CCNB1IP1: variants seen among roughly 807,000 people sequenced by gnomAD.
CCNB1IP1 encodes the protein E3 ubiquitin-protein ligase CCNB1IP1.
In CCNB1IP1, 14 loss-of-function variants were observed where a neutral mutation model predicts 25.6. The ratio of observed to expected loss-of-function variants is 0.55; its 90% confidence interval spans 0.36 to 0.85. CCNB1IP1 has a LOEUF of 0.85. Among genes scored for constraint, CCNB1IP1 ranks in the 40% least tolerant of loss-of-function variants. The pLI is 0.01. For missense variants in CCNB1IP1, 278 were observed against 342.4 expected, an observed-to-expected ratio of 0.81 and a Z score of 1.48; for synonymous variants, 119 against 116.1, an observed-to-expected ratio of 1.02 and a Z score of -0.16.
chr14:20,312,149 GACATAAAAAGGTTA>G (rs1445431915), intron 6 of CCNB1IP1, among the ~76,000 whole-genome samples: 1 of 152,054 alleles, frequency 6.6e-6, no homozygotes, highest in Non-Finnish European at 1.5e-5. Context: ...GTGGCAGCAG[GACATAAAAAGGTTA>G]ACTGTGTACA....
At chr14:20,319,081 C>T (rs1189420219) in intron 4 of CCNB1IP1, 1 of 152,208 alleles carries the variant, frequency 6.6e-6, no homozygotes, top group Non-Finnish European at 1.5e-5. Flanking sequence ...TCTTTTGTAG[C>T]CATCTTTCCA....
intron 1 of CCNB1IP1, among the ~76,000 whole-genome samples, chr14:20,332,119 C>G (rs1883272006): frequency 6.8e-6 from 1 of 146,940 alleles, no homozygotes; most frequent in African/African-American, 2.5e-5. Flanking sequence ...ACCGCAACCT[C>G]CACCTCCCGG....
intron 5 of CCNB1IP1, among the ~76,000 whole-genome samples, chr14:20,315,297 A>C (rs1244779004): frequency 1.3e-5 from 2 of 152,192 alleles, no homozygotes; most frequent in Non-Finnish European, 2.9e-5. Context: ...TCTGGCAAAG[A>C]TGTGGAGCAA....
chr14:20,314,006 T>C (rs10131909), intron 5 of CCNB1IP1, among the ~76,000 whole-genome samples: 19,324 of 152,232 alleles, frequency 0.13, 1,317 homozygotes, highest in East Asian at 0.17. Context: ...AAAAAAAGTC[T>C]GGAAGAATAC....
At chr14:20,325,248 C>T (rs1280714060) in intron 4 of CCNB1IP1, among the ~76,000 whole-genome samples, 3 of 150,862 alleles carry the variant, frequency 2.0e-5, no homozygotes, top group African/African-American at 7.2e-5. Flanking sequence ...GGTGAAACCC[C>T]GTCTCTACTA....
chr14:20,319,575 G>A (rs1882827265), intron 4 of CCNB1IP1, among the ~76,000 whole-genome samples: 1 of 152,234 alleles, frequency 6.6e-6, no homozygotes, highest in African/African-American at 2.4e-5. Context: ...ACTTCCTGGA[G>A]ATGTATCTAA....
chr14:20,332,021 T>TGATGTGTATAC (rs1566408019), intron 1 of CCNB1IP1, among the ~76,000 whole-genome samples: 59 of 57,866 alleles, frequency 1.0e-3, no homozygotes, highest in African/African-American at 4.0e-3. Flanking sequence ...TATATATATA[T>TGATGTGTATAC]ATATATTTTT....
intron 1 of CCNB1IP1, among the ~76,000 whole-genome samples, chr14:20,331,944 G>T (rs985763428): frequency 3.3e-5 from 4 of 121,302 alleles, no homozygotes; most frequent in African/African-American, 1.2e-4. Context: ...GATATCTTTT[G>T]AATTTTGAAC....
chr14:20,316,933 A>G (rs1882719109), intron 4 of CCNB1IP1, among the ~76,000 whole-genome samples: 1 of 152,066 alleles, frequency 6.6e-6, no homozygotes, highest in Admixed American at 6.5e-5. Context: ...ACATGGTGAA[A>G]CCCAGTCTCT....
At chr14:20,312,354 C>T (rs545225935) in intron 6 of CCNB1IP1, among the ~76,000 whole-genome samples, 1 of 151,790 alleles carries the variant, frequency 6.6e-6, no homozygotes, top group East Asian at 1.9e-4. Context: ...ATCTGATATT[C>T]CTCATCTCAT....
intron 1 of CCNB1IP1, among the ~76,000 whole-genome samples, chr14:20,329,981 G>A (rs1357285147): frequency 6.6e-6 from 1 of 151,866 alleles, no homozygotes; most frequent in Non-Finnish European, 1.5e-5. Flanking sequence ...AATACATTTT[G>A]CACTGTAGCT....
Position 20,313,618 on chromosome 14 carries a change from A to C in CCNB1IP1, c.481T>G (p.Ser161Ala). The change falls in exon 6 of 7, where the codon TCT becomes GCT. Residue 161 changes from serine (S) to alanine (A), a missense_variant. By Grantham distance (99) the Ser-to-Ala change is moderately conservative. Coordinates refer to ENST00000358932, the MANE Select transcript of CCNB1IP1 (RefSeq NM_021178.5). The part of the protein sequence containing the change: ...EEYKKKFSDI[S>A]EKLMERNRQY... ...CGATTGCGCTCCATAAGTTTCTCAG[A>C]GATGTCACTGAACTTTTTCTTGTAT... 6.2e-7 allele frequency: 1 copy of C among 1,614,180 alleles called. No homozygotes were observed. Among genetic ancestry groups the C allele is most frequent in the Non-Finnish European group, 8.5e-7 (1 of 1,180,030 alleles).
rs1430899420 is a variant in CCNB1IP1 at position 20,313,547 on chromosome 14, T to C, written c.552A>G (p.Arg184=). 2.5e-6 allele frequency: 4 copies of C among 1,614,098 alleles called. No individual in the cohort carries two copies. The African/African-American group carries it at 4.0e-5, about 16-fold the overall frequency. The change falls in exon 6 of 7, where the codon CGA becomes CGG. Residue 184 remains arginine, a synonymous_variant. Coordinates refer to ENST00000358932, the MANE Select transcript of CCNB1IP1 (RefSeq NM_021178.5). ...CTTCATGGTTAGCAATAGTGATGTT[T>C]CGTAGCCTAAGGCTATCATAGAGGC... The part of the protein sequence containing the change: ...LQGLYDSLRL[R]NITIANHEGT...
intron 1 of CCNB1IP1, among the ~76,000 whole-genome samples, chr14:20,330,125 A>AAAAAAAAAAAAAAAC (rs1345596226): frequency 6.6e-6 from 1 of 150,828 alleles, no homozygotes; most frequent in African/African-American, 2.5e-5. Context: ...AAAACAAAAA[A>AAAAAAAAAAAAAAAC]CATGTCCTTT....
At chr14:20,332,544 C>T (rs1675154854) in intron 1 of CCNB1IP1, among the ~76,000 whole-genome samples, 3 of 152,140 alleles carry the variant, frequency 2.0e-5, no homozygotes, top group Non-Finnish European at 4.4e-5. Context: ...AGCTAAGCCT[C>T]GGAATGGCTC....
At chr14:20,312,272 ACT>A (rs1475575410) in intron 6 of CCNB1IP1, among the ~76,000 whole-genome samples, 10 of 152,324 alleles carry the variant, frequency 6.6e-5, no homozygotes, top group Non-Finnish European at 1.2e-4. Flanking sequence ...ATTTACAGTA[ACT>A]CTGATTGACT....
At chr14:20,315,217 C>A (rs886854997) in intron 5 of CCNB1IP1, among the ~76,000 whole-genome samples, 2 of 135,850 alleles carry the variant, frequency 1.5e-5, no homozygotes, top group South Asian at 4.8e-4. Context: ...CAGAGACATG[C>A]AAATTAAAAT....
chr14:20,312,936 A>C (rs1882548620), intron 6 of CCNB1IP1, among the ~76,000 whole-genome samples: 1 of 152,182 alleles, frequency 6.6e-6, no homozygotes, highest in Non-Finnish European at 1.5e-5. Context: ...AGAACTGTAC[A>C]ATCAGTATTG....
chr14:20,327,025 G>A (rs935946601), intron 2 of CCNB1IP1, among the ~76,000 whole-genome samples: 1 of 152,010 alleles, frequency 6.6e-6, no homozygotes, highest in Non-Finnish European at 1.5e-5. Flanking sequence ...ACAGTGAGCT[G>A]TGATCGTGCC....
Sources: gnomAD v4.1 joint callset for allele counts (sites outside exome capture counted in the v4.1 genomes callset) on GRCh38, gnomAD v4.1.1 for gene constraint, MANE v1.5 for transcripts, NCBI Gene and HGNC (gene_info 2026-07-23, HGNC 2026-07-21) for gene names.